The following DPP10 variants were observed in gnomAD, a reference collection of about 807,000 sequenced individuals.
The protein encoded by DPP10 is inactive dipeptidyl peptidase 10.
A neutral mutation model predicts 120.9 loss-of-function variants in DPP10; 33 were observed. That is an observed-to-expected ratio of 0.27 (90% CI 0.21 to 0.37). The LOEUF is 0.37. Ranked by LOEUF, DPP10 falls within the 10% of genes least tolerant of loss-of-function variation. The probability of loss-of-function intolerance (pLI) is 1.00; values close to 1 mark genes in which losing one functional copy is unlikely to be tolerated. For missense variants in DPP10, 816 were observed against 942.8 expected (o/e 0.87, Z 1.76); for synonymous variants, 337 against 326.1 (o/e 1.03, Z -0.36).
intron 5 of DPP10, among the ~76,000 whole-genome samples, chr2:115,571,475 A>G (rs2081334915): frequency 6.6e-6 from 1 of 152,142 alleles, no homozygotes; most frequent in Non-Finnish European, 1.5e-5. Context: ...AAATGAGAAC[A>G]TGTAGTATTT....
intron 1 of DPP10, among the ~76,000 whole-genome samples, chr2:114,606,984 T>G (rs1692864313): frequency 6.6e-6 from 1 of 152,186 alleles, no homozygotes; most frequent in African/African-American, 2.4e-5. Context: ...AAAAGTACCA[T>G]AAAAGCTCTG....
chr2:115,751,657 G>C (rs1391239869), intron 10 of DPP10, among the ~76,000 whole-genome samples: 2 of 152,108 alleles, frequency 1.3e-5, no homozygotes, highest in Non-Finnish European at 1.5e-5. Context: ...ACTCGGTAAT[G>C]TTAGATATGT....
At chr2:115,018,049 G>T (rs1702792552) in intron 1 of DPP10, among the ~76,000 whole-genome samples, 1 of 151,042 alleles carries the variant, frequency 6.6e-6, no homozygotes, top group South Asian at 2.1e-4. Flanking sequence ...AGTGGGCAAA[G>T]GATATGAACA....
intron 5 of DPP10, among the ~76,000 whole-genome samples, chr2:115,582,628 T>A (rs2082065179): frequency 6.6e-6 from 1 of 152,222 alleles, no homozygotes; most frequent in Admixed American, 6.5e-5. Context: ...ATAATAGATT[T>A]GTTGTCATTG....
chr2:114,498,516 A>T (rs1682875876), intron 1 of DPP10, among the ~76,000 whole-genome samples: 1 of 152,186 alleles, frequency 6.6e-6, no homozygotes, highest in Non-Finnish European at 1.5e-5. Flanking sequence ...TAGAGAAAAG[A>T]GATGTATTTG....
intron 5 of DPP10, among the ~76,000 whole-genome samples, chr2:115,590,861 T>A (rs2082617149): frequency 6.6e-6 from 1 of 152,244 alleles, no homozygotes; most frequent in Non-Finnish European, 1.5e-5. Flanking sequence ...ATCGCCATTC[T>A]AACTGGTGTG....
At chr2:115,347,092 A>G (rs561570811) in intron 3 of DPP10, among the ~76,000 whole-genome samples, 1 of 152,312 alleles carries the variant, frequency 6.6e-6, no homozygotes, top group African/African-American at 2.4e-5. Context: ...AGCATAACAA[A>G]TTTATTTAAT....
intron 1 of DPP10, among the ~76,000 whole-genome samples, chr2:114,536,438 C>T (rs1168456304): frequency 2.9e-5 from 4 of 135,872 alleles, no homozygotes; most frequent in Non-Finnish European, 6.1e-5. Context: ...CGTAGTCTCG[C>T]TCTGTCACCC....
At chr2:114,713,877 C>T (rs1229950473) in intron 1 of DPP10, among the ~76,000 whole-genome samples, 2 of 150,766 alleles carry the variant, frequency 1.3e-5, no homozygotes, top group African/African-American at 2.4e-5. Context: ...CCCAGGTCCT[C>T]GGGAAGCTGA....
chr2:115,095,043 C>G (rs529808834), intron 1 of DPP10, among the ~76,000 whole-genome samples: 40 of 152,084 alleles, frequency 2.6e-4, no homozygotes, highest in Non-Finnish European at 5.7e-4. Context: ...CGTAGTTGAC[C>G]TAAATAATTC....
intron 1 of DPP10, among the ~76,000 whole-genome samples, chr2:114,614,435 A>C (rs1693527202): frequency 2.0e-5 from 3 of 152,186 alleles, no homozygotes; most frequent in Non-Finnish European, 4.4e-5. Context: ...TTTCATAGAA[A>C]TGAATCTCTT....
intron 4 of DPP10, among the ~76,000 whole-genome samples, chr2:115,510,162 A>G (rs965980391): frequency 1.3e-5 from 2 of 152,104 alleles, no homozygotes; most frequent in African/African-American, 4.8e-5. Context: ...TCACTTTCTG[A>G]TTGGTGTCTT....
At chr2:115,675,786 G>C (rs2090204817) in intron 5 of DPP10, among the ~76,000 whole-genome samples, 1 of 152,094 alleles carries the variant, frequency 6.6e-6, no homozygotes, top group Admixed American at 6.6e-5. Flanking sequence ...TCACTCGTTG[G>C]GACCCAGGTT....
intron 3 of DPP10, among the ~76,000 whole-genome samples, chr2:115,382,881 C>A (rs748837254): frequency 1.3e-5 from 2 of 151,882 alleles, no homozygotes; most frequent in African/African-American, 2.4e-5. Flanking sequence ...ATAATAGCAA[C>A]CAATTGTGGG....
chr2:115,576,303 A>C (rs973068634), intron 5 of DPP10, among the ~76,000 whole-genome samples: 2 of 152,234 alleles, frequency 1.3e-5, no homozygotes, highest in African/African-American at 2.4e-5. Context: ...ACAAGACAGT[A>C]TTTTGAGACG....
intron 7 of DPP10, among the ~76,000 whole-genome samples, chr2:115,703,427 A>T (rs1288894119): frequency 6.6e-6 from 1 of 151,972 alleles, no homozygotes; most frequent in Non-Finnish European, 1.5e-5. Flanking sequence ...AAGGATTTTA[A>T]CGAATTAACT....
At chr2:114,854,595 C>T (rs1178990831) in intron 1 of DPP10, among the ~76,000 whole-genome samples, 1 of 152,098 alleles carries the variant, frequency 6.6e-6, no homozygotes, top group East Asian at 1.9e-4. Context: ...GGGCATATAT[C>T]ACCTTGGGAG....
At position 114,565,999 on chromosome 2, in the gene DPP10, T is replaced by C. The variant is rs527323288; in HGVS notation, c.60+123161T>C. ...ACAAAACAGATAAAAATAAAATATC[T>C]TTACCCTTATGGGGGTGGATGTCTA... On this transcript the variant is annotated intron_variant, in intron 1 of 25. Coordinates refer to ENST00000410059, the MANE Select transcript of DPP10 (RefSeq NM_020868.6). Among the ~76,000 whole-genome samples, 4 of 152,298 alleles carry C rather than the reference T, an allele frequency of 2.6e-5. No homozygotes were observed. The South Asian group carries it at 8.3e-4, about 32-fold the overall frequency.
intron 2 of DPP10, among the ~76,000 whole-genome samples, chr2:115,329,013 T>C (rs1402298240): frequency 6.6e-6 from 1 of 152,102 alleles, no homozygotes; most frequent in East Asian, 1.9e-4. Flanking sequence ...TGCTGGGCAC[T>C]GCAGGGAAGG....
Sources: gnomAD v4.1 joint callset for allele counts (sites outside exome capture counted in the v4.1 genomes callset) on GRCh38, gnomAD v4.1.1 for gene constraint, MANE v1.5 for transcripts, NCBI Gene and HGNC (gene_info 2026-07-23, HGNC 2026-07-21) for gene names.